Variants in CADM2 observed in about 807,000 individuals in gnomAD.
CADM2 encodes immunoglobulin superfamily member 4D.
Under a neutral mutation model 49.8 loss-of-function variants are expected in CADM2, and 12 were observed. The observed-to-expected ratio is 0.24, with a 90% CI of 0.15 to 0.39. CADM2 has a LOEUF of 0.39. Ranked by LOEUF, CADM2 falls within the 10% of genes least tolerant of loss-of-function variation. CADM2 has a pLI of 1.00. For missense variants in CADM2, 378 were observed against 492.3 expected, an observed-to-expected ratio of 0.77 and a Z score of 2.20; for synonymous variants, 214 against 175.4, an observed-to-expected ratio of 1.22 and a Z score of -1.74.
intron 1 of CADM2, among the ~76,000 whole-genome samples, chr3:85,278,863 CTT>C (rs1156786328): frequency 1.3e-5 from 2 of 151,138 alleles, no homozygotes; most frequent in African/African-American, 4.8e-5. Flanking sequence ...ATGTTTCTGA[CTT>C]AATTTAGACA....
At chr3:85,539,257 A>AACTG (rs75578198) in intron 1 of CADM2, among the ~76,000 whole-genome samples, 4 of 151,796 alleles carry the variant, frequency 2.6e-5, no homozygotes, top group Non-Finnish European at 2.9e-5. Flanking sequence ...GAATAAGATT[A>AACTG]TATGGAAACA....
rs1476541363 is a variant in CADM2 at position 85,970,873 on chromosome 3, G to A, written c.970+9226G>A. Among the ~76,000 whole-genome samples, 4 of 151,406 alleles carry A rather than the reference G, an allele frequency of 2.6e-5. No homozygotes were observed. The South Asian group carries it at 6.2e-4, about 24-fold the overall frequency. On this transcript the variant is annotated intron_variant, in intron 8 of 9. Coordinates refer to ENST00000383699, the MANE Select transcript of CADM2 (RefSeq NM_001167675.2). ...TAAACCTAAAACATATTTCGGGTAA[G>A]TTACATGGTGATAAATCTATAGAGT...
intron 5 of CADM2, among the ~76,000 whole-genome samples, chr3:85,897,864 CCT>C (rs1183302151): frequency 1.3e-5 from 2 of 152,016 alleles, no homozygotes; most frequent in African/African-American, 4.8e-5. Flanking sequence ...ATTTGTGTCC[CCT>C]GAGTTTAAAG....
At chr3:85,272,528 AT>A (rs1172399467) in intron 1 of CADM2, among the ~76,000 whole-genome samples, 1 of 151,414 alleles carries the variant, frequency 6.6e-6, no homozygotes, top group African/African-American at 2.4e-5. Context: ...ACTGGAGAAA[AT>A]AATAGAAGAA....
chr3:85,080,873 A>G (rs193026234), intron 1 of CADM2, among the ~76,000 whole-genome samples: 1 of 152,184 alleles, frequency 6.6e-6, no homozygotes, highest in Admixed American at 6.6e-5. Flanking sequence ...AAATTACACT[A>G]CACATTCACC....
At position 85,886,259 on chromosome 3, in the gene CADM2, C is replaced by T; in HGVS notation, c.461C>T (p.Thr154Ile). ...PVMEGDLMQL[T>I]CKTSGSKPAA... is the part of the protein sequence containing the mutation. ...ATGGAGGGTGACTTGATGCAGCTGA[C>T]TTGCAAAACATCTGGTAGTAAACCT... Residue 154 changes from threonine (T) to isoleucine (I), a missense_variant, in exon 5 of 10, where the codon ACT (threonine) becomes ATT (isoleucine). Thr to Ile is a moderately conservative substitution (Grantham distance 89). Transcript: ENST00000383699. 6.2e-7 allele frequency: 1 copy of T among 1,613,870 alleles called. No individual in the cohort carries two copies. The highest frequency in any genetic ancestry group is 1.1e-5 in the South Asian group (1 of 91,072).
intron 5 of CADM2, among the ~76,000 whole-genome samples, chr3:85,889,282 T>C (rs1045758088): frequency 6.6e-6 from 1 of 152,192 alleles, no homozygotes; most frequent in Admixed American, 6.5e-5. Context: ...TTTATCACAT[T>C]TTCTTGTCCA....
At chr3:85,153,494 C>T (rs111346437) in intron 1 of CADM2, among the ~76,000 whole-genome samples, 12 of 152,304 alleles carry the variant, frequency 7.9e-5, no homozygotes, top group South Asian at 6.2e-4. Context: ...CGCAACAAAG[C>T]GGCAGCAAGG....
At chr3:85,634,106 C>T (rs1209653450) in intron 1 of CADM2, among the ~76,000 whole-genome samples, 1 of 151,800 alleles carries the variant, frequency 6.6e-6, no homozygotes, top group Non-Finnish European at 1.5e-5. Context: ...CCTTTTTTGG[C>T]ACATGGACAA....
intron 1 of CADM2, among the ~76,000 whole-genome samples, chr3:85,697,097 G>A (rs2066587590): frequency 8.2e-6 from 1 of 122,596 alleles, no homozygotes; most frequent in African/African-American, 2.8e-5. Flanking sequence ...ATATATATAT[G>A]CCATATATAT....
chr3:85,940,537 T>A (rs1022832040), intron 7 of CADM2, among the ~76,000 whole-genome samples: 4 of 152,128 alleles, frequency 2.6e-5, no homozygotes, highest in African/African-American at 9.7e-5. Flanking sequence ...AGATAAAATA[T>A]GTACTTTAAA....
chr3:85,428,257 A>G (rs941693673), intron 1 of CADM2, among the ~76,000 whole-genome samples: 1 of 149,636 alleles, frequency 6.7e-6, no homozygotes, highest in African/African-American at 2.4e-5. Flanking sequence ...ACTTGAACTT[A>G]AATAGTCAAT....
chr3:85,374,456 C>G (rs1012496706), intron 1 of CADM2, among the ~76,000 whole-genome samples: 1 of 152,176 alleles, frequency 6.6e-6, no homozygotes, highest in Non-Finnish European at 1.5e-5. Flanking sequence ...CCTTGTCTAG[C>G]TGTTTTCTTC....
chr3:85,763,870 T>C (rs1484541496), intron 2 of CADM2, among the ~76,000 whole-genome samples: 1 of 152,152 alleles, frequency 6.6e-6, no homozygotes, highest in Non-Finnish European at 1.5e-5. Flanking sequence ...TTTACTGATA[T>C]TGCCTGGCAG....
chr3:86,012,607 G>C, intron 8 of CADM2: 1 of 1,581,160 alleles, frequency 6.3e-7, no homozygotes, highest in South Asian at 1.1e-5. Flanking sequence ...AGCGCACGCA[G>C]TCCGACCTGG....
intron 1 of CADM2, among the ~76,000 whole-genome samples, chr3:85,290,601 C>A (rs182235435): frequency 0.017 from 2,648 of 152,314 alleles, 149 homozygotes; most frequent in Admixed American, 0.089. Flanking sequence ...TGAGAAGGGG[C>A]AGACTGCCTC....
chr3:85,937,558 C>G (rs1721327925), intron 7 of CADM2, among the ~76,000 whole-genome samples: 1 of 151,930 alleles, frequency 6.6e-6, no homozygotes, highest in Non-Finnish European at 1.5e-5. Context: ...TGTGCTGCTA[C>G]TTCAATTGCT....
chr3:85,254,075 A>G (rs2042833320), intron 1 of CADM2, among the ~76,000 whole-genome samples: 1 of 152,090 alleles, frequency 6.6e-6, no homozygotes, highest in Non-Finnish European at 1.5e-5. Context: ...TGTACTTCTT[A>G]TTGACCAGCT....
chr3:85,821,913 G>A (rs1411148499), intron 3 of CADM2, among the ~76,000 whole-genome samples: 2 of 152,180 alleles, frequency 1.3e-5, no homozygotes, highest in Non-Finnish European at 1.5e-5. Context: ...GTTGAGTGTG[G>A]ATATATTGGG....
Sources: gnomAD v4.1 joint callset for allele counts (sites outside exome capture counted in the v4.1 genomes callset) on GRCh38, gnomAD v4.1.1 for gene constraint, MANE v1.5 for transcripts, NCBI Gene and HGNC (gene_info 2026-07-23, HGNC 2026-07-21) for gene names.